The following MACROH2A2 variants were observed in gnomAD, a reference collection of about 807,000 sequenced individuals.
MACROH2A2 encodes the protein core histone macro-H2A.2.
Under a neutral mutation model 37.6 loss-of-function variants are expected in MACROH2A2, and 6 were observed. The observed-to-expected ratio is 0.16, with a 90% CI of 0.09 to 0.32. The LOEUF is 0.32. Among genes scored for constraint, MACROH2A2 ranks in the 10% least tolerant of loss-of-function variants. The probability of loss-of-function intolerance (pLI) is 1.00; values close to 1 mark genes in which losing one functional copy is unlikely to be tolerated. For missense variants in MACROH2A2, 290 were observed against 485.9 expected, an observed-to-expected ratio of 0.60 and a Z score of 3.79; for synonymous variants, 192 against 202.7, an observed-to-expected ratio of 0.95 and a Z score of 0.45.
intron 1 of MACROH2A2, among the ~76,000 whole-genome samples, chr10:70,056,352 A>T (rs999187658): frequency 6.6e-6 from 1 of 152,098 alleles, no homozygotes; most frequent in Non-Finnish European, 1.5e-5. Context: ...GGCTCAAGTG[A>T]TCCTCCTGCC....
rs903149104 is a variant in MACROH2A2, at chr10:70,086,941, A to G, written c.173-3119A>G. Among the ~76,000 whole-genome samples the G allele has an allele frequency of 5.9e-5, 9 of 152,342 alleles. No homozygotes were observed. The East Asian group carries it at 7.7e-4, about 13-fold the overall frequency. The stretch of plus-strand genomic sequence containing the variant: ...ACAGCGGCTCACGCCTGGAAATCCC[A>G]ACACTTTGGGAAGCTGAGGTAGGAG... On this transcript the variant is annotated intron_variant, in intron 2 of 8. Coordinates refer to ENST00000373255, the MANE Select transcript of MACROH2A2 (RefSeq NM_018649.3).
At chr10:70,061,008 T>C (rs1163385482) in intron 1 of MACROH2A2, among the ~76,000 whole-genome samples, 1 of 151,690 alleles carries the variant, frequency 6.6e-6, no homozygotes, top group Non-Finnish European at 1.5e-5. Flanking sequence ...GAAATATTGG[T>C]TTAAAGAAAC....
intron 6 of MACROH2A2, chr10:70,099,173 G>C: frequency 6.6e-6 from 1 of 152,174 alleles, no homozygotes; most frequent in African/African-American, 2.4e-5. Context: ...TTTCTCAGTT[G>C]CATCATGGAA....
intron 1 of MACROH2A2, among the ~76,000 whole-genome samples, chr10:70,070,539 A>T (rs1355862608): frequency 1.3e-5 from 2 of 152,074 alleles, no homozygotes; most frequent in East Asian, 1.9e-4. Flanking sequence ...GTTGCCCAGC[A>T]GGAGTGCAAT....
At chr10:70,071,621 CAT>C (rs1391642472) in intron 1 of MACROH2A2, among the ~76,000 whole-genome samples, 1 of 152,166 alleles carries the variant, frequency 6.6e-6, no homozygotes, top group Non-Finnish European at 1.5e-5. Context: ...GTGCAAACAG[CAT>C]AGAGTGGACT....
chr10:70,104,346 T>A (rs2136642342), intron 7 of MACROH2A2, among the ~76,000 whole-genome samples: 1 of 149,110 alleles, frequency 6.7e-6, no homozygotes, highest in South Asian at 2.1e-4. Context: ...GACCTTGGCA[T>A]CCAGTGGACA....
chr10:70,085,317 G>A (rs1025122065), intron 2 of MACROH2A2, among the ~76,000 whole-genome samples: 3 of 152,176 alleles, frequency 2.0e-5, no homozygotes, highest in African/African-American at 4.8e-5. Context: ...GAGGGCTGGA[G>A]GTGCAGATTC....
At chr10:70,077,596 G>A (rs556905097) in intron 2 of MACROH2A2, among the ~76,000 whole-genome samples, 1 of 152,162 alleles carries the variant, frequency 6.6e-6, no homozygotes, top group South Asian at 2.1e-4. Flanking sequence ...ATAAAGGCCG[G>A]GCACAGTGGC....
intron 1 of MACROH2A2, among the ~76,000 whole-genome samples, chr10:70,063,945 T>C (rs921202732): frequency 1.3e-5 from 2 of 152,206 alleles, no homozygotes; most frequent in African/African-American, 4.8e-5. Flanking sequence ...TGGGGACTCA[T>C]TGAAGGCCTG....
chr10:70,108,938 C>T, intron 7 of MACROH2A2, 95 bp from the exon 8 acceptor site: 1 of 1,122,654 alleles, frequency 8.9e-7, no homozygotes, highest in Non-Finnish European at 1.3e-6. Flanking sequence ...CTATCACTGC[C>T]TTATCTCCAG....
rs148947922 is a variant in MACROH2A2, at chr10:70,066,652, AAC to A, written c.-59-8944_-59-8943del. Among the ~76,000 whole-genome samples, 19 of 152,352 alleles carry A rather than the reference AAC, an allele frequency of 1.2e-4. 1 individual carries two copies. The East Asian group carries it at 3.5e-3, about 28-fold the overall frequency. Reference sequence around the variant, plus strand: ...ACATGGTAAAGGAACATCTTTTGTCAACACAGAAAAATATGGTCCACGTTCCT... The same window carrying A: ...ACATGGTAAAGGAACATCTTTTGTCAACAGAAAAATATGGTCCACGTTCCT... On this transcript the variant is annotated intron_variant, in intron 1 of 8. Transcript: ENST00000373255.
intron 2 of MACROH2A2, among the ~76,000 whole-genome samples, chr10:70,088,708 T>C (rs961721364): frequency 2.6e-5 from 4 of 152,246 alleles, no homozygotes; most frequent in Non-Finnish European, 4.4e-5. Context: ...CTTTAGGAAT[T>C]CACTTTTCGG....
At chr10:70,105,408 GCGAGGGAGTCAGGGA>G (rs1312706712) in intron 7 of MACROH2A2, among the ~76,000 whole-genome samples, 1 of 152,212 alleles carries the variant, frequency 6.6e-6, no homozygotes, top group African/African-American at 2.4e-5. Context: ...GAGAGAATGG[GCGAGGGAGTCAGGGA>G]CAAAGGAGGA....
chr10:70,065,051 C>T (rs1162397101), intron 1 of MACROH2A2, among the ~76,000 whole-genome samples: 1 of 144,624 alleles, frequency 6.9e-6, no homozygotes, highest in African/African-American at 2.6e-5. Flanking sequence ...TTTTTTGAGA[C>T]AGAGTCTCAC....
intron 8 of MACROH2A2, among the ~76,000 whole-genome samples, chr10:70,110,667 T>C (rs191410271): frequency 1.2e-3 from 175 of 151,650 alleles, no homozygotes; most frequent in Non-Finnish European, 2.2e-3. Flanking sequence ...GGAGGATCAT[T>C]TGAGGCCAGG....
At chr10:70,104,623 C>A (rs1047895900) in intron 7 of MACROH2A2, among the ~76,000 whole-genome samples, 2 of 152,032 alleles carry the variant, frequency 1.3e-5, no homozygotes, top group Non-Finnish European at 2.9e-5. Context: ...TGCAGTGAGC[C>A]GAGATCACGC....
intron 2 of MACROH2A2, among the ~76,000 whole-genome samples, chr10:70,076,781 C>T (rs1477454931): frequency 6.6e-6 from 1 of 152,234 alleles, no homozygotes; most frequent in African/African-American, 2.4e-5. Context: ...GCATGAAATC[C>T]TCTGGGCTGT....
rs1211081345 is a variant in MACROH2A2 at position 70,053,556 on chromosome 10, G to A, written c.-60+556G>A. 6.6e-6 allele frequency among the ~76,000 whole-genome samples: 1 copy of A among 151,366 alleles called. No homozygotes were observed. The highest frequency in any genetic ancestry group is 1.5e-5 in the Non-Finnish European group (1 of 67,730). On this transcript the variant is annotated intron_variant, in intron 1 of 8. Transcript: ENST00000373255. This position sits in a 1 kb window ranked among gnomAD's most constrained non-coding sequence, Gnocchi z 4.8. ...GCGGAGCAGCCGGGCGGAGGTTAGG[G>A]ACCCGAGTCCGGGGGCGGGCCGCGC...
At chr10:70,104,544 G>T (rs1286831003) in intron 7 of MACROH2A2, among the ~76,000 whole-genome samples, 2 of 152,078 alleles carry the variant, frequency 1.3e-5, no homozygotes, top group Admixed American at 6.5e-5. Flanking sequence ...GCGTGGTGGT[G>T]GGTGCCTGTA....
Sources: allele counts gnomAD v4.1 joint callset (sites outside exome capture counted in the v4.1 genomes callset), GRCh38; gene constraint gnomAD v4.1.1; non-coding constraint Gnocchi (gnomAD v3.1); transcripts MANE v1.5; gene names NCBI Gene and HGNC (gene_info 2026-07-23, HGNC 2026-07-21).